ARHGEF18: variants seen among roughly 807,000 people sequenced by gnomAD.
ARHGEF18 encodes the protein rho guanine nucleotide exchange factor 18.
Under a neutral mutation model 155.7 loss-of-function variants are expected in ARHGEF18, and 93 were observed. That is an observed-to-expected ratio of 0.60 (90% CI 0.50 to 0.71). The LOEUF is 0.71. Ranked by LOEUF, ARHGEF18 falls within the 30% of genes least tolerant of loss-of-function variation. The pLI, the probability that ARHGEF18 is intolerant of heterozygous loss-of-function variation, is 0.00. For missense variants in ARHGEF18, 1,593 were observed against 1,816.1 expected (o/e 0.88, Z 2.23); for synonymous variants, 742 against 753.1 (o/e 0.99, Z 0.24).
chr19:7,441,020 T>A, intron 11 of ARHGEF18, among the ~76,000 whole-genome samples: 1 of 151,930 alleles, frequency 6.6e-6, no homozygotes, highest in Non-Finnish European at 1.5e-5. Flanking sequence ...ACTTAACTCC[T>A]GGTAGACAGG....
chr19:7,473,675 TG>T (rs1568375097), downstream of ARHGEF18, among the ~76,000 whole-genome samples: 1 of 151,968 alleles, frequency 6.6e-6, no homozygotes, highest in African/African-American at 2.4e-5. Flanking sequence ...CCGGGCGTGG[TG>T]GCGGGCGCCT....
At chr19:7,373,408 G>A (rs1381385520) in intron 3 of ARHGEF18, among the ~76,000 whole-genome samples, 1 of 151,696 alleles carries the variant, frequency 6.6e-6, no homozygotes, top group Non-Finnish European at 1.5e-5. Flanking sequence ...CATTCTGGGG[G>A]TGATGGGAGA....
intron 16 of ARHGEF18, among the ~76,000 whole-genome samples, chr19:7,453,178 C>T (rs1325256522): frequency 6.6e-6 from 1 of 151,996 alleles, no homozygotes; most frequent in Non-Finnish European, 1.5e-5. Flanking sequence ...GCCTGGGTGA[C>T]AGAGCCAGAC....
chr19:7,470,037 C>T lies in ARHGEF18; in HGVS notation c.3913+8C>T. 4 of 1,612,570 alleles carry T rather than the reference C, an allele frequency of 2.5e-6. No homozygotes were observed. The highest frequency in any genetic ancestry group is 3.4e-6 in the Non-Finnish European group (4 of 1,179,738). On this transcript the variant is annotated splice_region_variant and intron_variant, in intron 28 of 28. Coordinates refer to ENST00000668164, the MANE Select transcript of ARHGEF18 (RefSeq NM_001367823.1). This position sits in a 1 kb window ranked among gnomAD's most constrained non-coding sequence, Gnocchi z 5.9. ...GTCCTGCGCCCCCACCAGGTGAGCC[C>T]CCACCCCCTGACATGAGCCCAGTCC...
At chr19:7,469,797 G>C in intron 27 of ARHGEF18, 107 bp from the exon 28 acceptor site, 1 of 1,377,934 alleles carries the variant, frequency 7.3e-7, no homozygotes, top group Non-Finnish European at 9.9e-7. Flanking sequence ...CCGCCCGTGG[G>C]AAGTGTCAGG....
chr19:7,461,160 C>A (rs972926078), intron 20 of ARHGEF18, among the ~76,000 whole-genome samples: 3 of 152,028 alleles, frequency 2.0e-5, no homozygotes, highest in South Asian at 2.1e-4. Flanking sequence ...TGCCTGTAAT[C>A]CCTGCACTTT....
chr19:7,386,867 T>C (rs75957963), intron 10 of ARHGEF18, among the ~76,000 whole-genome samples: 2,824 of 152,146 alleles, frequency 0.019, 92 homozygotes, highest in African/African-American at 0.063. Flanking sequence ...GAAGTTCCCA[T>C]TGCTGCTTCG....
downstream of ARHGEF18, chr19:7,477,135 C>T (rs576748839): frequency 1.7e-5 from 23 of 1,351,596 alleles, no homozygotes; most frequent in East Asian, 3.2e-4. Flanking sequence ...CCTGCCCTGG[C>T]GGCTTCTGCT....
chr19:7,360,679 C>G (rs528999086), intron 1 of ARHGEF18, among the ~76,000 whole-genome samples: 10 of 152,352 alleles, frequency 6.6e-5, no homozygotes, highest in African/African-American at 2.4e-4. Context: ...GCAGGCTCTC[C>G]TCCAGCCCTA....
At chr19:7,352,832 C>CTTTTT (rs587602037) in intron 1 of ARHGEF18, among the ~76,000 whole-genome samples, 15,312 of 49,706 alleles carry the variant, frequency 0.31, 5,323 homozygotes, top group Non-Finnish European at 0.34. Flanking sequence ...CGTGCCTGGC[C>CTTTTT]TTTTTTTTTT....
At chr19:7,390,937 G>C (rs1203329890) in intron 10 of ARHGEF18, among the ~76,000 whole-genome samples, 1 of 152,118 alleles carries the variant, frequency 6.6e-6, no homozygotes, top group Non-Finnish European at 1.5e-5. Context: ...CTACTTGGGA[G>C]ACTGAGGCAG....
At position 7,472,051 on chromosome 19, in the gene ARHGEF18, T is replaced by C. The variant is rs1977055707; in HGVS notation, c.*1753T>C. 6.6e-6 allele frequency: 1 copy of C among 152,442 alleles called. No homozygotes were observed. Among genetic ancestry groups the C allele is most frequent in the Non-Finnish European group, 1.5e-5 (1 of 68,044 alleles). The allele number at this position is 152,442 out of a possible 1,614,324, so 9.4% of individuals were successfully genotyped here. ...TTCCTGTTCTGTTGTGAAGAGAACA[T>C]TCCCAGACCCTGGCACCCTCCTGAG... On this transcript the variant is annotated 3_prime_UTR_variant, in exon 29 of 29. Transcript: ENST00000668164.
intron 10 of ARHGEF18, among the ~76,000 whole-genome samples, chr19:7,406,029 C>A (rs10417593): frequency 2.8e-4 from 43 of 152,094 alleles, no homozygotes; most frequent in Non-Finnish European, 4.7e-4. Context: ...TCTTTAGAAC[C>A]AGTTAATTGC....
chr19:7,355,623 C>G, intron 1 of ARHGEF18: 2 of 985,454 alleles, frequency 2.0e-6, no homozygotes, highest in Non-Finnish European at 2.4e-6. Flanking sequence ...GCACGCATGG[C>G]CCCCATGGCT....
the ARHGEF18 span, among the ~76,000 whole-genome samples, chr19:7,479,112 G>A: frequency 1.2e-4 from 18 of 152,312 alleles, no homozygotes; most frequent in East Asian, 2.1e-3. Flanking sequence ...GCAGGATAGC[G>A]CCAGTGGCAC....
In ARHGEF18 at chr19:7,352,832, C is replaced by CTTCT. The variant is rs1969191316; in HGVS notation, c.-111+3593_-111+3594insCTTT. Among the ~76,000 whole-genome samples the CTTCT allele has an allele frequency of 4.0e-5, 2 of 49,876 alleles. 1 individual carries two copies. The highest frequency in any genetic ancestry group is 2.5e-3 in the South Asian group (2 of 792). 32.7% of individuals were successfully genotyped at this position (49,876 alleles called of 152,430 possible). A position where few individuals can be genotyped will look rare whatever the true frequency, so the allele number is the denominator to read the frequency against. ...ACAGGTGTGAGTCGCCGTGCCTGGC[C>CTTCT]TTTTTTTTTTTTTTTTTTTTTTGAC... On this transcript the variant is annotated intron_variant, in intron 1 of 28. Coordinates refer to ENST00000668164, the MANE Select transcript of ARHGEF18 (RefSeq NM_001367823.1).
At chr19:7,362,089 G>GA (rs1969618110) in intron 1 of ARHGEF18, among the ~76,000 whole-genome samples, 2 of 37,314 alleles carry the variant, frequency 5.4e-5, no homozygotes, top group Non-Finnish European at 9.2e-5. Flanking sequence ...GAAGGAGAAG[G>GA]AGAAGGAGAA....
intron 10 of ARHGEF18, among the ~76,000 whole-genome samples, chr19:7,388,313 C>T (rs1162701898): frequency 1.3e-5 from 2 of 151,896 alleles, no homozygotes; most frequent in African/African-American, 4.8e-5. Flanking sequence ...AGGCTGGTCT[C>T]GAACTCCTGG....
At chr19:7,370,041 A>C (rs773156425) in intron 2 of ARHGEF18, among the ~76,000 whole-genome samples, 1 of 152,056 alleles carries the variant, frequency 6.6e-6, no homozygotes, top group Non-Finnish European at 1.5e-5. Flanking sequence ...TACTGAAAAT[A>C]GAAAAATCAG....
Sources: allele counts gnomAD v4.1 joint callset (sites outside exome capture counted in the v4.1 genomes callset), GRCh38; gene constraint gnomAD v4.1.1; non-coding constraint Gnocchi (gnomAD v3.1); transcripts MANE v1.5; gene names NCBI Gene and HGNC (gene_info 2026-07-23, HGNC 2026-07-21).